Variants in CSMD2 observed in about 807,000 individuals in gnomAD.
CSMD2 encodes the protein CUB and sushi domain-containing protein 2.
Under a neutral mutation model 398.5 loss-of-function variants are expected in CSMD2, and 130 were observed. The ratio of observed to expected loss-of-function variants is 0.33; its 90% CI spans 0.28 to 0.38. CSMD2 has a LOEUF of 0.38. CSMD2 is among the 10% of genes least tolerant of loss of function. The pLI is 1.00. For missense variants in CSMD2, 3,829 were observed against 4,764.9 expected (o/e 0.80, Z 5.78); for synonymous variants, 1,828 against 1,908.5 (o/e 0.96, Z 1.10).
chr1:33,968,486 T>C (rs1205794262), intron 3 of CSMD2, among the ~76,000 whole-genome samples: 1 of 152,258 alleles, frequency 6.6e-6, no homozygotes, highest in Non-Finnish European at 1.5e-5. Flanking sequence ...TGTAAGACTC[T>C]GTCTTAGCAG....
At chr1:33,821,357 GC>G (rs1396195057) in intron 7 of CSMD2, among the ~76,000 whole-genome samples, 3 of 152,200 alleles carry the variant, frequency 2.0e-5, no homozygotes, top group African/African-American at 7.2e-5. Context: ...TTTGGCCCCT[GC>G]CTGTTCCTTT....
At chr1:33,632,777 T>C (rs1478466855) in intron 32 of CSMD2, among the ~76,000 whole-genome samples, 1 of 152,212 alleles carries the variant, frequency 6.6e-6, no homozygotes, top group African/African-American at 2.4e-5. Context: ...TATATAAAGA[T>C]GTATGTACAA....
chr1:33,623,314 T>C (rs1641892350), intron 36 of CSMD2, 56 bp downstream of exon 36: 13 of 1,095,748 alleles, frequency 1.2e-5, no homozygotes, highest in South Asian at 1.2e-4. Context: ...ACAATGTTCA[T>C]GATGATGAGC....
chr1:33,717,637 A>G (rs894409569), intron 19 of CSMD2, among the ~76,000 whole-genome samples: 5 of 151,724 alleles, frequency 3.3e-5, no homozygotes, highest in Admixed American at 2.6e-4. Flanking sequence ...GAAGTTCAGG[A>G]TTAAAGGGGG....
intron 40 of CSMD2, among the ~76,000 whole-genome samples, chr1:33,612,152 T>A (rs910236657): frequency 6.6e-6 from 1 of 152,222 alleles, no homozygotes; most frequent in African/African-American, 2.4e-5. Flanking sequence ...CTTGTCTTCA[T>A]GAGACTTACA....
rs552553929 is a variant in CSMD2, at chr1:33,891,609, T to C, written c.920+26485A>G. ...AAAGACACATGCACACGTATGTTTA[T>C]TGCGGCATTATTCACAATAGCAAAG... On this transcript the variant is annotated intron_variant, in intron 5 of 70. Transcript: ENST00000373381. 1.0e-3 allele frequency among the ~76,000 whole-genome samples: 152 copies of C among 152,018 alleles called. 2 individuals are homozygous for C. Among genetic ancestry groups the C allele is most frequent in the Middle Eastern group, 3.4e-3 (1 of 294 alleles).
intron 2 of CSMD2, among the ~76,000 whole-genome samples, chr1:34,087,471 G>A (rs541745727): frequency 6.6e-6 from 1 of 151,996 alleles, no homozygotes; most frequent in Non-Finnish European, 1.5e-5. Context: ...GGGCCTGTCA[G>A]GGGGTTGGGG....
chr1:33,606,096 G>T, intron 41 of CSMD2: 1 of 1,455,846 alleles, frequency 6.9e-7, no homozygotes, highest in East Asian at 2.5e-5. Flanking sequence ...CCATGAGAGT[G>T]GGTGGCCTGA....
At chr1:34,137,063 C>G (rs1638824799) in intron 1 of CSMD2, among the ~76,000 whole-genome samples, 1 of 152,136 alleles carries the variant, frequency 6.6e-6, no homozygotes, top group Non-Finnish European at 1.5e-5. Flanking sequence ...TCCATCCCCC[C>G]ATCTAATACC....
intron 53 of CSMD2, among the ~76,000 whole-genome samples, chr1:33,565,136 T>A (rs1461353853): frequency 6.6e-6 from 1 of 152,136 alleles, no homozygotes; most frequent in Non-Finnish European, 1.5e-5. Context: ...CAAGACTGTA[T>A]GAGAAAGAGA....
intron 58 of CSMD2, among the ~76,000 whole-genome samples, chr1:33,542,409 T>A (rs914946499): frequency 1.3e-5 from 2 of 152,222 alleles, no homozygotes; most frequent in Non-Finnish European, 2.9e-5. Flanking sequence ...GCCTGAGAAA[T>A]GGCCAACATA....
At chr1:33,569,000 T>G (rs1372422131) in intron 52 of CSMD2, among the ~76,000 whole-genome samples, 1 of 152,160 alleles carries the variant, frequency 6.6e-6, no homozygotes, top group Non-Finnish European at 1.5e-5. Context: ...GTGTGTAAAA[T>G]TTGCTAATAG....
intron 5 of CSMD2, among the ~76,000 whole-genome samples, chr1:33,913,620 T>G (rs1643576344): frequency 6.6e-6 from 1 of 152,112 alleles, no homozygotes; most frequent in African/African-American, 2.4e-5. Flanking sequence ...GAAAAGCTGG[T>G]AAATATCCTA....
chr1:33,617,562 A>T lies in CSMD2; in HGVS notation c.5883T>A (p.Thr1961=), dbSNP rs1260623038. 1.9e-6 allele frequency: 3 copies of T among 1,614,174 alleles called. No homozygotes were observed. The highest frequency in any genetic ancestry group is 2.5e-6 in the Non-Finnish European group (3 of 1,180,028). The part of the protein sequence containing the change: ...EPAVPSNGVK[T]GERYLVNDVV... The stretch of plus-strand genomic sequence containing the variant: ...CATCATTCACCAAGTAGCGCTCGCC[A>T]GTCTTCACCCCGTTACTGGGCACAG... Residue 1961 remains threonine (T), a synonymous_variant, in exon 38 of 71, where the codon ACT becomes ACA. Coordinates refer to ENST00000373381, the MANE Select transcript of CSMD2 (RefSeq NM_001281956.2).
At chr1:34,135,470 C>G (rs1771387) in intron 1 of CSMD2, among the ~76,000 whole-genome samples, 107,920 of 151,724 alleles carry the variant, frequency 0.71, 39,637 homozygotes, top group Non-Finnish European at 0.81. Flanking sequence ...AATACAAAAA[C>G]TAGCTGGTGT....
At chr1:33,882,313 T>C (rs554048149) in intron 5 of CSMD2, 1 of 152,346 alleles carries the variant, frequency 6.6e-6, no homozygotes, top group Admixed American at 6.5e-5. Context: ...TAATTGAGTC[T>C]GGAGGACTGA....
chr1:33,606,099 T>TG, intron 41 of CSMD2: 1 of 1,448,750 alleles, frequency 6.9e-7, no homozygotes. Flanking sequence ...TGAGAGTGGG[T>TG]GGCCTGACTC....
At chr1:33,576,444 A>G (rs1238894164) in intron 49 of CSMD2, among the ~76,000 whole-genome samples, 1 of 152,176 alleles carries the variant, frequency 6.6e-6, no homozygotes, top group East Asian at 1.9e-4. Flanking sequence ...TACAAAAATT[A>G]GCCAGGCATG....
Position 33,559,470 on chromosome 1 carries a change from A to C in CSMD2, c.8384T>G (p.Ile2795Ser). 6.5e-7 allele frequency: 1 copy of C among 1,536,078 alleles called. No homozygotes were observed. Among genetic ancestry groups the C allele is most frequent in the South Asian group, 1.2e-5 (1 of 84,044 alleles). Residue 2795 changes from isoleucine to serine, a missense_variant, in exon 54 of 71, where the codon ATT becomes AGT. By Grantham distance (142) the Ile-to-Ser change is moderately radical. Around this residue, in one of 5 missense-constraint regions of CSMD2, gnomAD observed 917 missense variants for 1,199.5 expected, o/e 0.76. Transcript: ENST00000373381. This position sits in a 1 kb window ranked among gnomAD's most constrained non-coding sequence, Gnocchi z 4.0. Reference sequence around the variant, plus strand: ...AGGGTTGCCTGGGTGTCCACAGGTAATTGCTGTAACCAAAACAGAAGATAG... The same window carrying C: ...AGGGTTGCCTGGGTGTCCACAGGTACTTGCTGTAACCAAAACAGAAGATAG... ...WSGKTPFCVP[I>S]TCGHPGNPVN...
Sources: allele counts gnomAD v4.1 joint callset (sites outside exome capture counted in the v4.1 genomes callset), GRCh38; gene constraint gnomAD v4.1.1; regional missense constraint gnomAD v4.1.1; non-coding constraint Gnocchi (gnomAD v3.1); transcripts MANE v1.5; gene names NCBI Gene and HGNC (gene_info 2026-07-23, HGNC 2026-07-21).